The following CHCHD4 variants were observed in gnomAD, a reference collection of about 807,000 sequenced individuals.
CHCHD4 encodes coiled-coil-helix-coiled-coil-helix domain containing 4, also known as mitochondrial intermembrane space import and assembly protein 40.
In CHCHD4, 7 loss-of-function variants were observed where a neutral mutation model predicts 12.4. The ratio of observed to expected loss-of-function variants is 0.57; its 90% confidence interval spans 0.32 to 1.06. The LOEUF (loss-of-function observed/expected upper bound fraction) is 1.06, where lower values mean the gene tolerates loss of function less well. Among genes scored for constraint, CHCHD4 ranks in the 50% least tolerant of loss-of-function variants. The pLI, the probability that CHCHD4 is intolerant of heterozygous loss-of-function variation, is 0.04. For missense variants in CHCHD4, 143 were observed against 175.1 expected, an observed-to-expected ratio of 0.82 and a Z score of 1.03; for synonymous variants, 56 against 58.0, an observed-to-expected ratio of 0.97 and a Z score of 0.16.
At chr3:14,123,590 T>A (rs1694964350) in intron 1 of CHCHD4, among the ~76,000 whole-genome samples, 1 of 152,156 alleles carries the variant, frequency 6.6e-6, no homozygotes, top group South Asian at 2.1e-4. Flanking sequence ...TCAGATTGCT[T>A]GAATTAACTG....
At position 14,112,975 on chromosome 3, in the gene CHCHD4, T is replaced by A. The variant is rs1694837227; in HGVS notation, c.341A>T (p.Glu114Val). 1 of 1,613,362 alleles carries A rather than the reference T, an allele frequency of 6.2e-7. No homozygotes were observed. The highest frequency in any genetic ancestry group is 1.3e-5 in the African/African-American group (1 of 74,844). The change falls in exon 3 of 3, where the codon GAG (glutamate) becomes GTG (valine). Residue 114 changes from glutamate (E) to valine (V), a missense_variant. Coordinates refer to ENST00000396914, the MANE Select transcript of CHCHD4 (RefSeq NM_001098502.2). The part of the protein sequence containing the change: ...LYPQEDEDEE[E>V]EREKKPAEQA... ...TTCTGCTGGCTTCTTCTCTCTTTCC[T>A]CTTCCTCATCCTCATCCTCTTGGGG...
chr3:14,122,929 G>A (rs1028028664), intron 1 of CHCHD4, among the ~76,000 whole-genome samples: 66 of 152,144 alleles, frequency 4.3e-4, no homozygotes, highest in African/African-American at 1.5e-3. Flanking sequence ...CAAAAGGGTG[G>A]GAAGAGACCA....
chr3:14,115,503 G>A (rs566341200), intron 2 of CHCHD4, among the ~76,000 whole-genome samples: 18 of 152,296 alleles, frequency 1.2e-4, no homozygotes, highest in African/African-American at 4.1e-4. Flanking sequence ...CCTTGCAGCT[G>A]TCTTTCTCAG....
chr3:14,119,713 C>G (rs1224074679), intron 1 of CHCHD4, among the ~76,000 whole-genome samples: 1 of 152,114 alleles, frequency 6.6e-6, no homozygotes, highest in African/African-American at 2.4e-5. Context: ...TACCTTAAAC[C>G]CTCTGGTGCA....
intron 1 of CHCHD4, among the ~76,000 whole-genome samples, chr3:14,123,274 C>G (rs1694958563): frequency 2.0e-5 from 3 of 152,118 alleles, no homozygotes; most frequent in Non-Finnish European, 4.4e-5. Flanking sequence ...TCTTGTTTAT[C>G]AGCACAGCCT....
chr3:14,115,104 C>G (rs1694862207), intron 2 of CHCHD4, among the ~76,000 whole-genome samples: 4 of 152,180 alleles, frequency 2.6e-5, no homozygotes. Context: ...ACTTGGTCCA[C>G]TTACTAATTT....
In CHCHD4 at chr3:14,122,018, C is replaced by T. The variant is rs775945383; in HGVS notation, c.22+2637G>A. 16 of 1,613,440 alleles carry T rather than the reference C, an allele frequency of 9.9e-6. No homozygotes were observed. In the South Asian group the frequency reaches 1.6e-4, roughly 17 times the overall value. On this transcript the variant is annotated intron_variant, in intron 1 of 2. Transcript: ENST00000396914. ...GAAGGGGAGGGATCCTACCTTTGTC[C>T]CTGACAAAGAGCTTCAGGGAGGGAA...
chr3:14,112,140 C>A lies in CHCHD4; in HGVS notation c.*747G>T, dbSNP rs1694828625. 1 of 152,208 alleles carries A rather than the reference C, an allele frequency of 6.6e-6. No individual in the cohort carries two copies. Among genetic ancestry groups the A allele is most frequent in the African/African-American group, 2.4e-5 (1 of 41,448 alleles). 9.4% of individuals were successfully genotyped at this position (152,208 alleles called of 1,614,324 possible). ...ATTCACAACGTTTCCTCTCTTGCTG[C>A]TACTCTGGTAATAATTAGGTCCCCA... On this transcript the variant is annotated 3_prime_UTR_variant, in exon 3 of 3. Coordinates refer to ENST00000396914, the MANE Select transcript of CHCHD4 (RefSeq NM_001098502.2).
At chr3:14,117,713 G>C (rs1306325202) in intron 1 of CHCHD4, among the ~76,000 whole-genome samples, 1 of 152,168 alleles carries the variant, frequency 6.6e-6, no homozygotes, top group East Asian at 1.9e-4. Context: ...CTCCGTGTGA[G>C]CTCATTCCTC....
rs749794039 is a variant in CHCHD4, at chr3:14,112,989, A to G, written c.327T>C (p.Asp109=). Residue 109 remains aspartate (D), a synonymous_variant, in exon 3 of 3, where the codon GAT becomes GAC. Transcript: ENST00000396914. The stretch of plus-strand genomic sequence containing the variant: ...TCTCTCTTTCCTCTTCCTCATCCTC[A>G]TCCTCTTGGGGATAGAGGTCTGGGT... ...QKYPDLYPQE[D]EDEEEEREKK... 2 of 1,612,890 alleles carry G rather than the reference A, an allele frequency of 1.2e-6. No homozygotes were observed. The highest frequency in any genetic ancestry group is 8.5e-7 in the Non-Finnish European group (1 of 1,179,612).
intron 1 of CHCHD4, among the ~76,000 whole-genome samples, chr3:14,117,286 CA>C (rs1238179054): frequency 1.3e-5 from 2 of 152,214 alleles, no homozygotes; most frequent in Admixed American, 1.3e-4. Context: ...TCCAGGAAAA[CA>C]GACCAGTGAG....
Position 14,124,662 on chromosome 3 carries a change from C to T in CHCHD4, c.15G>A (p.Arg5=). The change falls in exon 1 of 3, where the codon CGG becomes CGA. Residue 5 remains arginine, a synonymous_variant. Coordinates refer to ENST00000396914, the MANE Select transcript of CHCHD4 (RefSeq NM_001098502.2). The part of the protein sequence containing the change: MSYC[R]QEGKDRIIFV... The stretch of plus-strand genomic sequence containing the variant: ...GCAGCCCGCCCTCCCTACCTTCCTG[C>T]CGGCAATAGGACATGGCTGCAGCCC... The T allele has an allele frequency of 6.6e-7, 1 of 1,526,454 alleles. No homozygotes were observed. The allele number at this position is 1,526,454 out of a possible 1,614,324, so 94.6% of individuals were successfully genotyped here.
intron 1 of CHCHD4, among the ~76,000 whole-genome samples, chr3:14,116,781 TGAAG>T (rs1318204443): frequency 1.3e-5 from 2 of 152,118 alleles, no homozygotes; most frequent in Non-Finnish European, 2.9e-5. Flanking sequence ...GCATAAAAGT[TGAAG>T]GAAGACTGAG....
chr3:14,114,633 C>T (rs192840039), intron 2 of CHCHD4, among the ~76,000 whole-genome samples: 1 of 152,234 alleles, frequency 6.6e-6, no homozygotes, highest in East Asian at 1.9e-4. Context: ...AAAATTACAA[C>T]CCAGTACAAA....
chr3:14,116,650 A>T, intron 1 of CHCHD4, 126 bp from the exon 2 acceptor site: 1 of 722,366 alleles, frequency 1.4e-6, no homozygotes, highest in Non-Finnish European at 2.5e-6. Context: ...ATGTGAGGTG[A>T]CTATCAAACT....
chr3:14,116,951 G>C (rs1277829647), intron 1 of CHCHD4, among the ~76,000 whole-genome samples: 1 of 152,230 alleles, frequency 6.6e-6, no homozygotes, highest in Admixed American at 6.5e-5. Flanking sequence ...TAGGCCTCTG[G>C]GCTCCTAATC....
chr3:14,113,150 G>T lies in CHCHD4; in HGVS notation c.166C>A (p.Leu56Ile). 6.2e-7 allele frequency: 1 copy of T among 1,613,566 alleles called. No homozygotes were observed. The change falls in exon 3 of 3, where the codon CTT becomes ATT. Residue 56 changes from leucine (L) to isoleucine (I), a missense_variant. Coordinates refer to ENST00000396914, the MANE Select transcript of CHCHD4 (RefSeq NM_001098502.2). ...NGNINWNCPC[L>I]GGMASGPCGE... ...CAGGGACCGCTGGCCATTCCCCCAA[G>T]GCATGGGCAGTTCCAGTTAATGTTT...
intron 2 of CHCHD4, among the ~76,000 whole-genome samples, chr3:14,115,037 A>G (rs546421019): frequency 6.6e-6 from 1 of 152,296 alleles, no homozygotes; most frequent in African/African-American, 2.4e-5. Context: ...TCCAAGCACC[A>G]TCTCAGCTGC....
intron 1 of CHCHD4, among the ~76,000 whole-genome samples, chr3:14,117,774 G>A (rs1249048592): frequency 6.6e-6 from 1 of 152,128 alleles, no homozygotes; most frequent in African/African-American, 2.4e-5. Flanking sequence ...TTTTAATGGT[G>A]GTGAGCCTGA....
Sources: allele counts gnomAD v4.1 joint callset (sites outside exome capture counted in the v4.1 genomes callset), GRCh38; gene constraint gnomAD v4.1.1; transcripts MANE v1.5; gene names NCBI Gene and HGNC (gene_info 2026-07-23, HGNC 2026-07-21).